The following CACNA1H variants were observed in gnomAD, a reference collection of about 807,000 sequenced individuals.
CACNA1H encodes the protein calcium voltage-gated channel subunit alpha1 H, also known as voltage-dependent T-type calcium channel subunit alpha-1H.
A neutral mutation model predicts 192.5 loss-of-function variants in CACNA1H; 149 were observed. The ratio of observed to expected loss-of-function variants is 0.77; its 90% CI spans 0.68 to 0.89. CACNA1H has a LOEUF of 0.89. Ranked by LOEUF, CACNA1H falls within the 40% of genes least tolerant of loss-of-function variation. CACNA1H has a pLI of 0.00. For missense variants in CACNA1H, 4,257 were observed against 3,423.5 expected, an observed-to-expected ratio of 1.24 and a Z score of -6.08; for synonymous variants, 2,202 against 1,475.2, an observed-to-expected ratio of 1.49 and a Z score of -11.29.
chr16:1,166,401 G>C (rs78640381), intron 2 of CACNA1H, among the ~76,000 whole-genome samples: 1 of 152,196 alleles, frequency 6.6e-6, no homozygotes, highest in Admixed American at 6.5e-5. Context: ...AGGAGGCCGC[G>C]CAGCGTACAA....
rs61372944 is a variant in CACNA1H at position 1,215,558 on chromosome 16, G to T, written c.5209G>T (p.Ala1737Ser). 3.7e-6 allele frequency: 6 copies of T among 1,611,842 alleles called. No homozygotes were observed. The highest frequency in any genetic ancestry group is 4.2e-6 in the Non-Finnish European group (5 of 1,179,540). Reference protein sequence around the residue: ...KLLKMATGMRALLDTVVQALP... With the variant: ...KLLKMATGMRSLLDTVVQALP... ...GCTGAAGATGGCTACGGGCATGCGCGCCCTGCTGGACACTGTGGTGCAAGC... is the reference window on the plus strand; with the variant it reads ...GCTGAAGATGGCTACGGGCATGCGCTCCCTGCTGGACACTGTGGTGCAAGC... The change falls in exon 30 of 35, where the codon GCC (alanine) becomes TCC (serine). Residue 1737 changes from alanine to serine, a missense_variant. Physicochemically the swap from Ala to Ser is moderately conservative, Grantham distance 99. Transcript: ENST00000348261.
At chr16:1,165,730 C>T (rs889239933) in intron 2 of CACNA1H, among the ~76,000 whole-genome samples, 1 of 152,242 alleles carries the variant, frequency 6.6e-6, no homozygotes, top group African/African-American at 2.4e-5. Flanking sequence ...CCCACCCCGG[C>T]TCACAGTGCG....
chr16:1,204,186 G>A lies in CACNA1H; in HGVS notation c.2179G>A (p.Val727Ile), dbSNP rs781150755. 39 of 1,612,212 alleles carry A rather than the reference G, an allele frequency of 2.4e-5. No individual in the cohort carries two copies. The highest frequency in any genetic ancestry group is 1.9e-4 in the African/African-American group (14 of 74,930). Residue 727 changes from valine (V) to isoleucine (I), a missense_variant, in exon 10 of 35, where the codon GTC becomes ATC. By Grantham distance (29) the Val-to-Ile change is conservative (BLOSUM62 3). Transcript: ENST00000348261. ...SESGDSDGRGVYEFTQDVRHG... is the reference protein window; with the variant it reads ...SESGDSDGRGIYEFTQDVRHG... ...AAGTGGAGACTCAGATGGCCGTGGCGTCTATGAATTCACGCAGGACGTCCG... is the reference window on the plus strand; with the variant it reads ...AAGTGGAGACTCAGATGGCCGTGGCATCTATGAATTCACGCAGGACGTCCG...
chr16:1,214,596 C>T (rs1969843563), intron 27 of CACNA1H, among the ~76,000 whole-genome samples: 1 of 152,156 alleles, frequency 6.6e-6, no homozygotes, highest in Admixed American at 6.5e-5. Context: ...GTCCCCATGT[C>T]CCCGAGGTGC....
At chr16:1,209,840 G>T (rs149106422) in intron 17 of CACNA1H, among the ~76,000 whole-genome samples, 195 bp from the exon 18 acceptor site, 1 of 152,222 alleles carries the variant, frequency 6.6e-6, no homozygotes, top group Non-Finnish European at 1.5e-5. Flanking sequence ...CGTCACCAGC[G>T]TAGGGAAGGG....
intron 5 of CACNA1H, among the ~76,000 whole-genome samples, chr16:1,196,898 C>T (rs541979448): frequency 1.2e-3 from 182 of 152,266 alleles, no homozygotes; most frequent in African/African-American, 4.1e-3. Flanking sequence ...CCCACGAGGC[C>T]GTACCAGGCG....
At position 1,221,340 on chromosome 16, in the gene CACNA1H, G is replaced by C. The variant is rs530759709; in HGVS notation, c.*346G>C. The C allele has an allele frequency of 4.0e-5, 14 of 352,892 alleles. No homozygotes were observed. The South Asian group carries it at 8.1e-4, about 20-fold the overall frequency. The allele number at this position is 352,892 out of a possible 1,614,324, so 21.9% of individuals were successfully genotyped here. The stretch of plus-strand genomic sequence containing the variant: ...GAAGGTACCAGGTTGCGTCCTTTCA[G>C]GCCCCGCGTTGTTACAGGACACTCG... On this transcript the variant is annotated 3_prime_UTR_variant, in exon 35 of 35. Transcript: ENST00000348261.
chr16:1,217,535 C>G (rs1217525952), intron 31 of CACNA1H, among the ~76,000 whole-genome samples: 1 of 152,230 alleles, frequency 6.6e-6, no homozygotes, highest in Non-Finnish European at 1.5e-5. Flanking sequence ...AGGGCCCTCC[C>G]CCGGGCCCTG....
At position 1,154,011 on chromosome 16, in the gene CACNA1H, T is replaced by G; in HGVS notation, c.274T>G (p.Trp92Gly). 8.1e-7 allele frequency: 1 copy of G among 1,238,144 alleles called. No individual in the cohort carries two copies. Among genetic ancestry groups the G allele is most frequent in the Non-Finnish European group, 1.0e-6 (1 of 971,610 alleles). The allele number at this position is 1,238,144 out of a possible 1,614,324, so 76.7% of individuals were successfully genotyped here. ...CGGTCAGACCACGCGGCCGCGCAGC[T>G]GGTGCCTCCGGCTGGTCTGCAACCC... The part of the protein sequence containing the change: ...CLGQTTRPRS[W>G]CLRLVCNPWF... Residue 92 changes from tryptophan to glycine, a missense_variant, in exon 2 of 35, where the codon TGG becomes GGG. Transcript: ENST00000348261.
intron 2 of CACNA1H, among the ~76,000 whole-genome samples, chr16:1,163,854 G>A (rs527997918): frequency 3.3e-5 from 5 of 152,338 alleles, no homozygotes; most frequent in African/African-American, 1.2e-4. Flanking sequence ...TGGGAAGCCT[G>A]GTCGTTGTGA....
chr16:1,211,650 C>T (rs1414636172), intron 23 of CACNA1H, 44 bp downstream of exon 23: 3 of 1,609,734 alleles, frequency 1.9e-6, no homozygotes, highest in South Asian at 2.2e-5. Flanking sequence ...TCCAGGACAC[C>T]CTGGAGCGAG....
chr16:1,208,060 G>A lies in CACNA1H; in HGVS notation c.3202G>A (p.Gly1068Arg). ...CGTGACCCCCAACGGGCACCTGGAG[G>A]GACGAGGCAGCCTGTCCCCTCCCCT... ...LAVTPNGHLE[G>R]RGSLSPPLIM... is the part of the protein sequence containing the mutation. The change falls in exon 16 of 35, where the codon GGA becomes AGA. Residue 1068 changes from glycine to arginine, a missense_variant. Coordinates refer to ENST00000348261, the MANE Select transcript of CACNA1H (RefSeq NM_021098.3). 2 of 1,606,342 alleles carry A rather than the reference G, an allele frequency of 1.2e-6. No homozygotes were observed. Among genetic ancestry groups the A allele is most frequent in the East Asian group, 2.2e-5 (1 of 44,514 alleles).
chr16:1,217,120 C>T, intron 31 of CACNA1H, 110 bp downstream of exon 31: 4 of 904,914 alleles, frequency 4.4e-6, no homozygotes, highest in Middle Eastern at 3.2e-4. Flanking sequence ...GGGGCCTGAT[C>T]AGGGCCACAC....
chr16:1,203,916 A>G (rs909615984), intron 9 of CACNA1H, 94 bp from the exon 10 acceptor site: 1 of 870,002 alleles, frequency 1.1e-6, no homozygotes, highest in Non-Finnish European at 1.7e-6. Flanking sequence ...TGGGGGGGAC[A>G]CATTCACCCC....
intron 2 of CACNA1H, among the ~76,000 whole-genome samples, chr16:1,172,233 G>A (rs1171478911): frequency 2.0e-5 from 3 of 152,136 alleles, no homozygotes; most frequent in Non-Finnish European, 2.9e-5. Context: ...GCCTGACCCC[G>A]CCCCTGGAGC....
rs763539096 is a variant in CACNA1H at position 1,210,772 on chromosome 16, A to G, written c.4039-15A>G. ...CACGCCTGAGCCTGAGCTCAGTGCC[A>G]TTGGCCCTCCGCAGGTGGTGGCCCT... On this transcript the variant is annotated splice_polypyrimidine_tract_variant and intron_variant, in intron 20 of 34. Coordinates refer to ENST00000348261, the MANE Select transcript of CACNA1H (RefSeq NM_021098.3). 9.2e-5 allele frequency: 147 copies of G among 1,598,988 alleles called. No homozygotes were observed. The highest frequency in any genetic ancestry group is 1.2e-4 in the Non-Finnish European group (136 of 1,179,316).
chr16:1,204,551 C>T (rs916333317), intron 10 of CACNA1H, 93 bp downstream of exon 10: 22 of 999,026 alleles, frequency 2.2e-5, no homozygotes, highest in Admixed American at 5.2e-5. Flanking sequence ...GATGCCTGAC[C>T]TGATGGTAGG....
At chr16:1,159,765 C>T (rs1962937320) in intron 2 of CACNA1H, 1 of 152,256 alleles carries the variant, frequency 6.6e-6, no homozygotes, top group Non-Finnish European at 1.5e-5. Flanking sequence ...CACTCAGGCC[C>T]AGAGGGCGTG....
Position 1,200,797 on chromosome 16 carries a change from C to T in CACNA1H, c.1201C>T (p.Leu401=), listed in dbSNP as rs551581496. The part of the protein sequence containing the change: ...HSFYNFIYFI[L]LIIVGSFFMI... ...ATTCTACAACTTCATCTATTTCATC[C>T]TGCTCATCATCGTGAGTGTGGGCGG... The change falls in exon 8 of 35, where the codon CTG becomes TTG. Residue 401 remains leucine (L), a synonymous_variant. Transcript: ENST00000348261. 32 of 1,551,690 alleles carry T rather than the reference C, an allele frequency of 2.1e-5. No homozygotes were observed. Among genetic ancestry groups the T allele is most frequent in the Admixed American group, 3.9e-5 (2 of 51,080 alleles).
Sources: allele counts gnomAD v4.1 joint callset (sites outside exome capture counted in the v4.1 genomes callset), GRCh38; gene constraint gnomAD v4.1.1; transcripts MANE v1.5; gene names NCBI Gene and HGNC (gene_info 2026-07-23, HGNC 2026-07-21).